AGBL1: variants seen among roughly 807,000 people sequenced by gnomAD.
The protein encoded by AGBL1 is cytosolic carboxypeptidase 4.
A neutral mutation model predicts 118.9 loss-of-function variants in AGBL1; 130 were observed. The ratio of observed to expected loss-of-function variants is 1.09; its 90% CI spans 0.95 to 1.26. The LOEUF (loss-of-function observed/expected upper bound fraction) is 1.26, where lower values mean the gene tolerates loss of function less well. Ranked by LOEUF, AGBL1 falls within the 50% of genes most tolerant of loss-of-function variation. The pLI is 0.00. For synonymous variants in AGBL1, 555 were observed against 478.9 expected (o/e 1.16, Z -2.08); for missense variants, 1,584 against 1,298.1 (o/e 1.22, Z -3.38).
chr15:86,984,301 A>G (rs1350025458), intron 23 of AGBL1, among the ~76,000 whole-genome samples: 2 of 151,426 alleles, frequency 1.3e-5, no homozygotes, highest in East Asian at 1.9e-4. Context: ...CTTCTTGGAA[A>G]TGTGTCTATT....
intron 21 of AGBL1, among the ~76,000 whole-genome samples, chr15:86,556,068 T>G (rs1006497912): frequency 6.6e-6 from 1 of 152,214 alleles, no homozygotes; most frequent in Non-Finnish European, 1.5e-5. Context: ...TCATTGAGTT[T>G]GTTTCTCCAA....
intron 22 of AGBL1, among the ~76,000 whole-genome samples, chr15:86,806,546 T>C (rs2078716503): frequency 1.3e-5 from 2 of 152,174 alleles, no homozygotes; most frequent in African/African-American, 4.8e-5. Flanking sequence ...AGGAACTGGC[T>C]GTGTCCAAAT....
At chr15:86,998,247 A>G (rs986759883) in intron 24 of AGBL1, among the ~76,000 whole-genome samples, 10 of 152,182 alleles carry the variant, frequency 6.6e-5, no homozygotes, top group African/African-American at 2.4e-4. Context: ...GATACAAAAG[A>G]CTGTAACATT....
intron 23 of AGBL1, among the ~76,000 whole-genome samples, chr15:86,922,089 A>G (rs114899220): frequency 0.011 from 1,649 of 152,314 alleles, 36 homozygotes; most frequent in African/African-American, 0.036. Context: ...TAGGAGGATG[A>G]AGATATATCC....
chr15:86,110,419 C>A (rs1000529297), intron 1 of AGBL1, among the ~76,000 whole-genome samples: 3 of 151,478 alleles, frequency 2.0e-5, no homozygotes, highest in African/African-American at 7.3e-5. Flanking sequence ...TATTAAAAAT[C>A]ATAAGAAAGA....
At chr15:86,235,919 TA>T (rs1381733131) in intron 6 of AGBL1, among the ~76,000 whole-genome samples, 2 of 152,180 alleles carry the variant, frequency 1.3e-5, no homozygotes, top group Admixed American at 1.3e-4. Context: ...ACACAATGAG[TA>T]ATATCAGCCC....
chr15:86,169,495 A>G (rs1350627116), intron 5 of AGBL1, among the ~76,000 whole-genome samples: 1 of 152,216 alleles, frequency 6.6e-6, no homozygotes, highest in Non-Finnish European at 1.5e-5. Context: ...CGATATTCAT[A>G]GAGGATAGGT....
chr15:86,518,656 G>C (rs2083150990), intron 18 of AGBL1, among the ~76,000 whole-genome samples: 1 of 152,076 alleles, frequency 6.6e-6, no homozygotes, highest in Non-Finnish European at 1.5e-5. Flanking sequence ...TAATGCGTGT[G>C]GGAAACAATC....
At chr15:86,787,495 C>T (rs1424039407) in intron 22 of AGBL1, among the ~76,000 whole-genome samples, 1 of 152,166 alleles carries the variant, frequency 6.6e-6, no homozygotes, top group Non-Finnish European at 1.5e-5. Context: ...TTTCTTTAGA[C>T]TCCACATATA....
intron 22 of AGBL1, among the ~76,000 whole-genome samples, chr15:86,680,994 G>A (rs1287217942): frequency 6.6e-6 from 1 of 151,890 alleles, no homozygotes; most frequent in Non-Finnish European, 1.5e-5. Flanking sequence ...TTGTGTGTGT[G>A]GTTTAGTTCC....
At chr15:86,446,135 T>C (rs2082117890) in intron 18 of AGBL1, among the ~76,000 whole-genome samples, 1 of 152,296 alleles carries the variant, frequency 6.6e-6, no homozygotes, top group East Asian at 1.9e-4. Context: ...AGAGCCGACA[T>C]GATTCAAGAG....
At chr15:86,630,861 T>G (rs1350929963) in intron 21 of AGBL1, among the ~76,000 whole-genome samples, 1 of 152,214 alleles carries the variant, frequency 6.6e-6, no homozygotes, top group African/African-American at 2.4e-5. Flanking sequence ...ACCAGATTCT[T>G]GGATCTGTTC....
chr15:86,318,579 A>G (rs1359555590), intron 17 of AGBL1, among the ~76,000 whole-genome samples: 4 of 152,088 alleles, frequency 2.6e-5, no homozygotes, highest in Non-Finnish European at 1.5e-5. Flanking sequence ...ATGTGTAGTC[A>G]AACAATGTTA....
chr15:86,376,583 C>G (rs1021889162), intron 17 of AGBL1, among the ~76,000 whole-genome samples: 1 of 152,230 alleles, frequency 6.6e-6, no homozygotes, highest in Admixed American at 6.5e-5. Context: ...ACCAGGGAAG[C>G]TCATCCAGTC....
chr15:86,435,445 T>C (rs1430229597), intron 18 of AGBL1, among the ~76,000 whole-genome samples: 5 of 152,212 alleles, frequency 3.3e-5, no homozygotes, highest in African/African-American at 1.2e-4. Flanking sequence ...AATCAGACTT[T>C]TGGTAAATTT....
At chr15:86,302,181 G>A (rs1263897249) in intron 17 of AGBL1, among the ~76,000 whole-genome samples, 2 of 152,026 alleles carry the variant, frequency 1.3e-5, no homozygotes, top group African/African-American at 4.8e-5. Flanking sequence ...GGTTGAAGTG[G>A]GTGGGAAAGA....
chr15:86,166,404 C>G (rs1330063739), intron 5 of AGBL1, among the ~76,000 whole-genome samples: 1 of 152,194 alleles, frequency 6.6e-6, no homozygotes, highest in Non-Finnish European at 1.5e-5. Flanking sequence ...TTTATAATGC[C>G]TTTCTCAGAA....
chr15:86,758,209 G>A (rs2077969658), intron 22 of AGBL1, among the ~76,000 whole-genome samples: 1 of 151,974 alleles, frequency 6.6e-6, no homozygotes, highest in Non-Finnish European at 1.5e-5. Context: ...TTTGTTTCTT[G>A]TGCTCCATCT....
intron 21 of AGBL1, among the ~76,000 whole-genome samples, chr15:86,561,015 C>T (rs544568549): frequency 2.0e-5 from 3 of 152,194 alleles, no homozygotes; most frequent in South Asian, 4.2e-4. Context: ...TGTTTGAGTT[C>T]TTTGTAGATT....
Sources: allele counts gnomAD v4.1 joint callset (sites outside exome capture counted in the v4.1 genomes callset), GRCh38; gene constraint gnomAD v4.1.1; transcripts MANE v1.5; gene names NCBI Gene and HGNC (gene_info 2026-07-23, HGNC 2026-07-21).